TMCC1: variants seen among roughly 807,000 people sequenced by gnomAD.
The protein encoded by TMCC1 is transmembrane and coiled-coil domains protein 1.
TMCC1 carries 15 observed loss-of-function variants against 52.4 expected under a neutral mutation model. The observed-to-expected ratio is 0.29, with a 90% CI of 0.19 to 0.44. The LOEUF (loss-of-function observed/expected upper bound fraction) is 0.44. Ranked by LOEUF, TMCC1 falls within the 20% of genes least tolerant of loss-of-function variation. TMCC1 has a pLI of 1.00. For missense variants in TMCC1, 503 were observed against 806.0 expected, an observed-to-expected ratio of 0.62 and a Z score of 4.55; for synonymous variants, 279 against 301.9, an observed-to-expected ratio of 0.92 and a Z score of 0.79.
chr3:129,819,382 A>C (rs182818564), intron 4 of TMCC1, among the ~76,000 whole-genome samples: 157 of 152,272 alleles, frequency 1.0e-3, no homozygotes, highest in African/African-American at 3.4e-3. Flanking sequence ...TCTCATTCTT[A>C]AAAGTAAATA....
chr3:129,676,109 AC>A (rs1470326851), intron 4 of TMCC1, among the ~76,000 whole-genome samples: 2 of 150,042 alleles, frequency 1.3e-5, no homozygotes, highest in Admixed American at 1.3e-4. Context: ...ATTGCCTCCC[AC>A]CACCAGTTAT....
At chr3:129,817,648 A>C (rs900772952) in intron 4 of TMCC1, among the ~76,000 whole-genome samples, 2 of 151,520 alleles carry the variant, frequency 1.3e-5, no homozygotes, top group Non-Finnish European at 2.9e-5. Flanking sequence ...TTAAGCTGGG[A>C]ATTTTTTTTT....
At chr3:129,675,496 G>A (rs1417674111) in intron 4 of TMCC1, among the ~76,000 whole-genome samples, 2 of 152,198 alleles carry the variant, frequency 1.3e-5, no homozygotes, top group African/African-American at 2.4e-5. Context: ...ACCTGGCACT[G>A]AGTAAGTTGT....
In TMCC1 at chr3:129,730,451, T is replaced by C. The variant is rs114233290; in HGVS notation, c.577-59187A>G. ...GAATTGCCTTTGTATTTTTGTGAAA[T>C]ATGAACTGGCAATATTTACGTGGGT... On this transcript the variant is annotated intron_variant, in intron 4 of 6. Coordinates refer to ENST00000393238, the MANE Select transcript of TMCC1 (RefSeq NM_001017395.5). 4.5e-3 allele frequency among the ~76,000 whole-genome samples: 678 copies of C among 152,338 alleles called. 6 individuals carry two copies. The highest frequency in any genetic ancestry group is 4.4e-3 in the Non-Finnish European group (297 of 68,028).
chr3:129,687,902 T>C (rs1046807288), intron 4 of TMCC1, among the ~76,000 whole-genome samples: 1 of 152,212 alleles, frequency 6.6e-6, no homozygotes, highest in Non-Finnish European at 1.5e-5. Context: ...ATTATGACTA[T>C]TCAAAGAAAA....
At chr3:129,806,484 G>A (rs1576922591) in intron 4 of TMCC1, among the ~76,000 whole-genome samples, 7 of 152,144 alleles carry the variant, frequency 4.6e-5, no homozygotes, top group African/African-American at 4.8e-5. Flanking sequence ...GGGAAAACTG[G>A]AGAAAAGACC....
At chr3:129,850,219 G>A (rs943661341) in intron 2 of TMCC1, among the ~76,000 whole-genome samples, 1 of 152,160 alleles carries the variant, frequency 6.6e-6, no homozygotes, top group Non-Finnish European at 1.5e-5. Context: ...AAATGTTTAA[G>A]TGCCTTAAAA....
Position 129,794,352 on chromosome 3 carries a change from C to T in TMCC1, c.576+33451G>A, listed in dbSNP as rs754812524. Reference sequence around the variant, plus strand: ...GGATAGCTGCCTCCTGAGGCTAAAGCGCTGAACCATGATCACCCAGAGGAT... The same window carrying T: ...GGATAGCTGCCTCCTGAGGCTAAAGTGCTGAACCATGATCACCCAGAGGAT... On this transcript the variant is annotated intron_variant, in intron 4 of 6. Coordinates refer to ENST00000393238, the MANE Select transcript of TMCC1 (RefSeq NM_001017395.5). The T allele has an allele frequency of 3.1e-5, 14 of 456,232 alleles. No individual in the cohort carries two copies. In the East Asian group the frequency reaches 3.5e-4, roughly 11 times the overall value. 28.3% of individuals were successfully genotyped at this position (456,232 alleles called of 1,614,324 possible).
chr3:129,678,559 A>G (rs2088680369), intron 4 of TMCC1, among the ~76,000 whole-genome samples: 1 of 150,700 alleles, frequency 6.6e-6, no homozygotes, highest in South Asian at 2.1e-4. Flanking sequence ...ACGGAGTTTC[A>G]CCATCTTGGC....
At chr3:129,717,290 A>AT (rs1382731776) in intron 4 of TMCC1, among the ~76,000 whole-genome samples, 1 of 152,150 alleles carries the variant, frequency 6.6e-6, no homozygotes, top group South Asian at 2.1e-4. Flanking sequence ...TCCTCTTCTT[A>AT]TTGACCTATC....
chr3:129,842,829 T>A (rs1232073502), intron 2 of TMCC1, among the ~76,000 whole-genome samples: 1 of 152,122 alleles, frequency 6.6e-6, no homozygotes, highest in Non-Finnish European at 1.5e-5. Context: ...AAGGAAATTT[T>A]AAAAATATTT....
rs549064569 is a variant in TMCC1 at position 129,679,300 on chromosome 3, C to CTTAT, written c.577-8040_577-8037dup. 2.0e-3 allele frequency among the ~76,000 whole-genome samples: 305 copies of CTTAT among 152,086 alleles called. 1 individual carries two copies. Among genetic ancestry groups the CTTAT allele is most frequent in the African/African-American group, 5.0e-3 (208 of 41,468 alleles). On this transcript the variant is annotated intron_variant, in intron 4 of 6. Coordinates refer to ENST00000393238, the MANE Select transcript of TMCC1 (RefSeq NM_001017395.5). ...TAGCAGCGAGGACTTCTCTGACTGC[C>CTTAT]TTATTTATTTATTTATTTATTTATT...
intron 4 of TMCC1, among the ~76,000 whole-genome samples, chr3:129,746,058 T>G (rs2051928050): frequency 6.6e-6 from 1 of 150,488 alleles, no homozygotes; most frequent in African/African-American, 2.4e-5. Flanking sequence ...CACCCAGCCC[T>G]GAACCTCTTT....
chr3:129,705,308 T>C (rs1224976756), intron 4 of TMCC1, among the ~76,000 whole-genome samples: 1 of 152,126 alleles, frequency 6.6e-6, no homozygotes, highest in Non-Finnish European at 1.5e-5. Context: ...ATGGCATCCA[T>C]GGGTTCCAGC....
At chr3:129,818,853 C>A (rs916068162) in intron 4 of TMCC1, 2 of 152,310 alleles carry the variant, frequency 1.3e-5, no homozygotes. Context: ...GGTGCTGAAG[C>A]ACATGGTATC....
At chr3:129,886,494 G>A (rs1213748211) in intron 1 of TMCC1, among the ~76,000 whole-genome samples, 3 of 152,074 alleles carry the variant, frequency 2.0e-5, no homozygotes, top group African/African-American at 4.8e-5. Flanking sequence ...GCAAAAAAGC[G>A]GCATTATTCA....
At chr3:129,704,719 G>A (rs1035266592) in intron 4 of TMCC1, among the ~76,000 whole-genome samples, 4 of 152,152 alleles carry the variant, frequency 2.6e-5, no homozygotes, top group East Asian at 1.9e-4. Context: ...CACTCGGCCC[G>A]GGCAGAACAT....
At chr3:129,874,399 T>A (rs1200764990) in intron 2 of TMCC1, among the ~76,000 whole-genome samples, 1 of 152,152 alleles carries the variant, frequency 6.6e-6, no homozygotes, top group Non-Finnish European at 1.5e-5. Context: ...ACTTACGGCA[T>A]CTAAGAATCT....
At chr3:129,709,748 C>G (rs1432280456) in intron 4 of TMCC1, among the ~76,000 whole-genome samples, 3 of 151,968 alleles carry the variant, frequency 2.0e-5, no homozygotes, top group African/African-American at 7.3e-5. Context: ...TCTTTATCCT[C>G]AGAAGACTGA....
Sources: gnomAD v4.1 joint callset for allele counts (sites outside exome capture counted in the v4.1 genomes callset) on GRCh38, gnomAD v4.1.1 for gene constraint, MANE v1.5 for transcripts, NCBI Gene and HGNC (gene_info 2026-07-23, HGNC 2026-07-21) for gene names.